DCC: variants seen among roughly 807,000 people sequenced by gnomAD.
DCC encodes netrin receptor DCC.
DCC carries 58 observed loss-of-function variants against 172.5 expected under a neutral mutation model. The ratio of observed to expected loss-of-function variants is 0.34; its 90% CI spans 0.27 to 0.42. DCC has a LOEUF of 0.42. Ranked by LOEUF, DCC falls within the 10% of genes least tolerant of loss-of-function variation. The probability of loss-of-function intolerance (pLI) is 1.00; values close to 1 mark genes in which losing one functional copy is unlikely to be tolerated. For missense variants in DCC, 1,740 were observed against 1,791.0 expected (o/e 0.97, Z 0.51); for synonymous variants, 709 against 644.5 (o/e 1.10, Z -1.52).
chr18:52,876,533 A>C (rs2039405875), intron 2 of DCC, among the ~76,000 whole-genome samples: 1 of 152,162 alleles, frequency 6.6e-6, no homozygotes, highest in South Asian at 2.1e-4. Flanking sequence ...ACATAGATGT[A>C]TTTTCTCAAG....
intron 1 of DCC, among the ~76,000 whole-genome samples, chr18:52,345,166 A>G (rs901898182): frequency 6.6e-6 from 1 of 152,244 alleles, no homozygotes; most frequent in Non-Finnish European, 1.5e-5. Flanking sequence ...TCTTAGATGA[A>G]CTATATACAT....
At chr18:53,325,431 T>C (rs2057456492) in intron 14 of DCC, among the ~76,000 whole-genome samples, 1 of 152,116 alleles carries the variant, frequency 6.6e-6, no homozygotes, top group African/African-American at 2.4e-5. Flanking sequence ...TTACAAAATA[T>C]CCAGAATGAA....
chr18:52,416,380 C>G (rs1227889743), intron 1 of DCC, among the ~76,000 whole-genome samples: 1 of 151,920 alleles, frequency 6.6e-6, no homozygotes, highest in Non-Finnish European at 1.5e-5. Flanking sequence ...CTGTAGATGT[C>G]TATTAGGTCC....
chr18:52,817,749 AT>A (rs2038327823), intron 2 of DCC, among the ~76,000 whole-genome samples: 4 of 152,110 alleles, frequency 2.6e-5, no homozygotes, highest in African/African-American at 9.7e-5. Context: ...TCAAACTTGG[AT>A]ATTTTCTTTA....
chr18:52,632,617 T>C (rs139617164), intron 1 of DCC, among the ~76,000 whole-genome samples: 34 of 152,342 alleles, frequency 2.2e-4, no homozygotes, highest in African/African-American at 7.5e-4. Flanking sequence ...TCTTGGTTGC[T>C]CTTTTCTCCT....
At chr18:52,487,780 C>T (rs1472538003) in intron 1 of DCC, among the ~76,000 whole-genome samples, 1 of 122,860 alleles carries the variant, frequency 8.1e-6, no homozygotes, top group African/African-American at 3.0e-5. Context: ...CGCTGCACTC[C>T]AGTCTGGGTG....
intron 1 of DCC, among the ~76,000 whole-genome samples, chr18:52,687,499 G>A (rs1841306): frequency 0.26 from 39,918 of 151,722 alleles, 5,724 homozygotes; most frequent in East Asian, 0.35. Context: ...TGGCCAGGCC[G>A]GTCTCAATCT....
intron 5 of DCC, among the ~76,000 whole-genome samples, chr18:52,975,254 A>C (rs1259505009): frequency 6.6e-6 from 1 of 152,232 alleles, no homozygotes; most frequent in Non-Finnish European, 1.5e-5. Context: ...CTTGGCTTGC[A>C]GATGGCTGCC....
chr18:52,521,662 G>A (rs1199649259), intron 1 of DCC, among the ~76,000 whole-genome samples: 1 of 152,060 alleles, frequency 6.6e-6, no homozygotes, highest in Non-Finnish European at 1.5e-5. Context: ...CTTCAGTTTG[G>A]GGGAGGTATA....
At chr18:53,452,928 T>C (rs1373170755) in intron 23 of DCC, among the ~76,000 whole-genome samples, 1 of 151,118 alleles carries the variant, frequency 6.6e-6, no homozygotes, top group Non-Finnish European at 1.5e-5. Flanking sequence ...TGTTTGTTTG[T>C]TTTTTGAGAT....
intron 1 of DCC, among the ~76,000 whole-genome samples, chr18:52,705,151 GT>G (rs1222932418): frequency 1.3e-5 from 2 of 152,180 alleles, no homozygotes; most frequent in African/African-American, 4.8e-5. Flanking sequence ...TTGTCTCGCT[GT>G]TTTCTAAGCA....
At chr18:53,393,763 G>A (rs138148282) in intron 17 of DCC, among the ~76,000 whole-genome samples, 1 of 152,316 alleles carries the variant, frequency 6.6e-6, no homozygotes, top group African/African-American at 2.4e-5. Flanking sequence ...CAGTTGAATA[G>A]TTACTACAGC....
intron 1 of DCC, among the ~76,000 whole-genome samples, chr18:52,360,812 G>A (rs1281064165): frequency 6.6e-6 from 1 of 152,182 alleles, no homozygotes; most frequent in Non-Finnish European, 1.5e-5. Flanking sequence ...GGATACAAAT[G>A]TTTAGTTCCT....
At chr18:53,027,965 A>T (rs1599043077) in intron 5 of DCC, among the ~76,000 whole-genome samples, 1 of 152,172 alleles carries the variant, frequency 6.6e-6, no homozygotes, top group South Asian at 2.1e-4. Flanking sequence ...ATGAATAAAG[A>T]TAACCATGGA....
At chr18:53,128,243 T>G in intron 7 of DCC, among the ~76,000 whole-genome samples, 1 of 152,164 alleles carries the variant, frequency 6.6e-6, no homozygotes, top group Non-Finnish European at 1.5e-5. Flanking sequence ...TCATGCACTT[T>G]GCTAAAGATT....
At chr18:53,257,701 G>A (rs1269151098) in intron 12 of DCC, among the ~76,000 whole-genome samples, 6 of 152,246 alleles carry the variant, frequency 3.9e-5, no homozygotes, top group African/African-American at 1.4e-4. Context: ...GCCAGGCTTT[G>A]GTATCAGGAT....
At chr18:52,386,897 A>G (rs955517887) in intron 1 of DCC, among the ~76,000 whole-genome samples, 2 of 152,092 alleles carry the variant, frequency 1.3e-5, no homozygotes, top group African/African-American at 4.8e-5. Flanking sequence ...CCAGTCTAGT[A>G]CCTATTACAG....
At chr18:53,308,009 C>A in intron 13 of DCC, among the ~76,000 whole-genome samples, 1 of 139,588 alleles carries the variant, frequency 7.2e-6, no homozygotes, top group East Asian at 2.2e-4. Flanking sequence ...ATATAATTTT[C>A]TTTTCATAAA....
chr18:53,159,008 A>AAAAAAAAAAAAAAAAAAG lies in DCC; in HGVS notation c.1418+1496_1418+1497insAAAAAAAAAAAAAAAAAG, dbSNP rs34406723. On this transcript the variant is annotated intron_variant, in intron 8 of 28. Transcript: ENST00000442544. ...CATCTCAAAAAAAAAAAAAAAAAGA[A>AAAAAAAAAAAAAAAAAAG]GAAGATGTAGGCATACCCATATTGC... Among the ~76,000 whole-genome samples the AAAAAAAAAAAAAAAAAAG allele has an allele frequency of 2.1e-3, 255 of 119,122 alleles. 39 individuals are homozygous for AAAAAAAAAAAAAAAAAAG. Among genetic ancestry groups the AAAAAAAAAAAAAAAAAAG allele is most frequent in the African/African-American group, 7.8e-3 (239 of 30,610 alleles). 78.1% of individuals were successfully genotyped at this position (119,122 alleles called of 152,430 possible). A position where few individuals can be genotyped will look rare whatever the true frequency, so the allele number is the denominator to read the frequency against.
Sources: gnomAD v4.1 joint callset for allele counts (sites outside exome capture counted in the v4.1 genomes callset) on GRCh38, gnomAD v4.1.1 for gene constraint, MANE v1.5 for transcripts, NCBI Gene and HGNC (gene_info 2026-07-23, HGNC 2026-07-21) for gene names.